ZNF395: variants seen among roughly 807,000 people sequenced by gnomAD.
The protein encoded by ZNF395 is zinc finger protein 395.
Under a neutral mutation model 57.7 loss-of-function variants are expected in ZNF395, and 20 were observed. The observed-to-expected ratio is 0.35, with a 90% confidence interval of 0.24 to 0.50. ZNF395 has a LOEUF of 0.50. ZNF395 is among the 20% of genes least tolerant of loss of function. The pLI is 0.97. For synonymous variants in ZNF395, 295 were observed against 275.9 expected (o/e 1.07, Z -0.69); for missense variants, 606 against 671.2 (o/e 0.90, Z 1.07).
intron 1 of ZNF395, among the ~76,000 whole-genome samples, chr8:28,366,187 A>C (rs1211306911): frequency 6.6e-6 from 1 of 152,194 alleles, no homozygotes; most frequent in Non-Finnish European, 1.5e-5. Flanking sequence ...TGAATAATTT[A>C]TAGGTCAACT....
intron 1 of ZNF395, among the ~76,000 whole-genome samples, chr8:28,368,877 C>T (rs2129975413): frequency 6.6e-6 from 1 of 152,148 alleles, no homozygotes; most frequent in African/African-American, 2.4e-5. Flanking sequence ...GCTCTGTCGA[C>T]CAGGTTGGGG....
Position 28,359,564 on chromosome 8 carries a change from A to G in ZNF395, c.473+28T>C. 3.2e-6 allele frequency: 5 copies of G among 1,557,474 alleles called. No homozygotes were observed. The highest frequency in any genetic ancestry group is 4.4e-6 in the Non-Finnish European group (5 of 1,149,002). On this transcript the variant is annotated intron_variant, in intron 3 of 9. Coordinates refer to ENST00000344423, the MANE Select transcript of ZNF395 (RefSeq NM_018660.3). The surrounding 1 kb of genome is among the most constrained non-coding windows in gnomAD (Gnocchi z 4.7). ...ACACCACACTACCCACGTGACTTTT[A>G]AAACCCAGTTTCTTCTCCCACACAA...
At chr8:28,376,587 C>T (rs1297785792) in intron 1 of ZNF395, among the ~76,000 whole-genome samples, 4 of 152,080 alleles carry the variant, frequency 2.6e-5, no homozygotes, top group African/African-American at 9.7e-5. Flanking sequence ...CACCACTGTA[C>T]TCCAGCCTGG....
At chr8:28,361,280 A>AT in intron 1 of ZNF395, 98 bp from the exon 2 acceptor site, 1 of 994,756 alleles carries the variant, frequency 1.0e-6, no homozygotes, top group African/African-American at 1.6e-5. Flanking sequence ...AACTTCTAGC[A>AT]TCCTTCCCTT....
chr8:28,373,189 G>C (rs1294163942), intron 1 of ZNF395, among the ~76,000 whole-genome samples: 1 of 152,146 alleles, frequency 6.6e-6, no homozygotes, highest in African/African-American at 2.4e-5. Flanking sequence ...GGCTGCAAAG[G>C]GGCCTCTGCC....
Position 28,359,398 on chromosome 8 carries a change from T to C in ZNF395, c.473+194A>G, listed in dbSNP as rs1481794886. Among the ~76,000 whole-genome samples the C allele has an allele frequency of 1.3e-5, 2 of 152,038 alleles. No homozygotes were observed. Among genetic ancestry groups the C allele is most frequent in the Non-Finnish European group, 2.9e-5 (2 of 67,988 alleles). On this transcript the variant is annotated intron_variant, in intron 3 of 9. Transcript: ENST00000344423. This position sits in a 1 kb window ranked among gnomAD's most constrained non-coding sequence, Gnocchi z 4.7. The stretch of plus-strand genomic sequence containing the variant: ...GCCTAGGTGAGAGAGTGAGACTCCG[T>C]CTCAAAAAAAGAAAGAAAAGATGCC...
chr8:28,382,971 G>A (rs1436001151), intron 1 of ZNF395, among the ~76,000 whole-genome samples: 2 of 152,196 alleles, frequency 1.3e-5, no homozygotes, highest in East Asian at 1.9e-4. Context: ...ATGATTGTAT[G>A]TACTAGGTCA....
intron 1 of ZNF395, chr8:28,365,553 T>G (rs1339290804): frequency 6.6e-6 from 1 of 152,182 alleles, no homozygotes; most frequent in South Asian, 2.1e-4. Context: ...ATAACAGTAG[T>G]TCAACACACA....
At chr8:28,366,814 TAAAAAA>T (rs5890411) in intron 1 of ZNF395, among the ~76,000 whole-genome samples, 4 of 133,808 alleles carry the variant, frequency 3.0e-5, no homozygotes, top group Non-Finnish European at 6.5e-5. Context: ...AAAGAAAGTT[TAAAAAA>T]AAAAAAAAAA....
intron 1 of ZNF395, chr8:28,386,177 G>A (rs1278238149): frequency 2.0e-5 from 3 of 148,838 alleles, no homozygotes; most frequent in Non-Finnish European, 3.0e-5. Context: ...GCGCCCACCT[G>A]GCCGGCCTGC....
Position 28,348,765 on chromosome 8 carries a change from C to A in ZNF395, c.1496G>T (p.Cys499Phe), listed in dbSNP as rs1329908933. The A allele has an allele frequency of 6.2e-7, 1 of 1,614,122 alleles. No homozygotes were observed. Among genetic ancestry groups the A allele is most frequent in the Non-Finnish European group, 8.5e-7 (1 of 1,179,998 alleles). The change falls in exon 10 of 10, where the codon TGC (cysteine) becomes TTC (phenylalanine). Residue 499 changes from cysteine to phenylalanine, a missense_variant. This residue lies in a region of ZNF395 where 36 missense variants were observed against 56.2 expected (regional missense o/e 0.64). Coordinates refer to ENST00000344423, the MANE Select transcript of ZNF395 (RefSeq NM_018660.3). ...GGCCTTCTTCCACCGGCAGGCCGTG[C>A]ACCACTGGTCCCGGTGCTCGATGCC... ...VYGIEHRDQW[C>F]TACRWKKACQ... is the part of the protein sequence containing the mutation.
Position 28,360,967 on chromosome 8 carries a change from G to A in ZNF395, c.158C>T (p.Pro53Leu), listed in dbSNP as rs780950696. The A allele has an allele frequency of 5.0e-6, 8 of 1,613,488 alleles. No homozygotes were observed. In the Admixed American group the frequency reaches 1.3e-4, roughly 27 times the overall value. ...PQPFTTSDDT[P>L]CQEQPKEVLK... The stretch of plus-strand genomic sequence containing the variant: ...GACTTCCTTGGGCTGCTCCTGGCAG[G>A]GGGTGTCATCAGAGGTGGTGAAAGG... The change falls in exon 2 of 10, where the codon CCC becomes CTC. Residue 53 changes from proline to leucine, a missense_variant. Transcript: ENST00000344423.
chr8:28,376,967 A>G (rs1447237486), intron 1 of ZNF395, among the ~76,000 whole-genome samples: 4 of 152,212 alleles, frequency 2.6e-5, no homozygotes, highest in African/African-American at 9.6e-5. Flanking sequence ...TCATGTGGAG[A>G]CAAAAATCAT....
chr8:28,381,337 A>T (rs1454535008), intron 1 of ZNF395, among the ~76,000 whole-genome samples: 3 of 151,982 alleles, frequency 2.0e-5, no homozygotes, highest in Non-Finnish European at 4.4e-5. Context: ...CACCGCGCCC[A>T]GCCCCAGCTA....
At chr8:28,349,250 G>A (rs760881459) in intron 8 of ZNF395, 22 bp from the exon 9 acceptor site, 11 of 1,511,330 alleles carry the variant, frequency 7.3e-6, no homozygotes, top group Non-Finnish European at 9.7e-6. Flanking sequence ...GAGAGGGGCT[G>A]TGAGCACAGG....
intron 1 of ZNF395, among the ~76,000 whole-genome samples, chr8:28,379,842 T>TAAAAAAAAAAAAAAAAAAAAAAA (rs748360582): frequency 8.1e-6 from 1 of 123,978 alleles, no homozygotes; most frequent in African/African-American, 3.5e-5. Context: ...ATACAAACGT[T>TAAAAAAAAAAAAAAAAAAAAAAA]AAAAAAAAAA....
chr8:28,351,518 T>A lies in ZNF395; in HGVS notation c.1210A>T (p.Ile404Phe). The change falls in exon 7 of 10, where the codon ATT becomes TTT. Residue 404 changes from isoleucine (I) to phenylalanine (F), a missense_variant. Ile to Phe is a conservative substitution (Grantham distance 21, BLOSUM62 0). This residue lies in a region of ZNF395 where 261 missense variants were observed against 240.3 expected (regional missense o/e 1.09). Coordinates refer to ENST00000344423, the MANE Select transcript of ZNF395 (RefSeq NM_018660.3). ...ACCTGGTATGCATGATCTGCCTGAA[T>A]GTGCCAGAAGGACCCAGGAGCTGAC... ...SKSAPGSFWH[I>F]QADHAYQALP... The A allele has an allele frequency of 6.2e-7, 1 of 1,609,574 alleles. No homozygotes were observed. Among genetic ancestry groups the A allele is most frequent in the Non-Finnish European group, 8.5e-7 (1 of 1,176,580 alleles).
chr8:28,385,840 G>A (rs1201692495), intron 1 of ZNF395, among the ~76,000 whole-genome samples: 1 of 142,598 alleles, frequency 7.0e-6, no homozygotes, highest in African/African-American at 2.5e-5. Context: ...CCGCCACCCC[G>A]GCCCTGCCGC....
In ZNF395 at chr8:28,352,238, A is replaced by G. The variant is rs1801724985; in HGVS notation, c.920+335T>C. Among the ~76,000 whole-genome samples the G allele has an allele frequency of 6.6e-6, 1 of 152,166 alleles. No individual in the cohort carries two copies. Among genetic ancestry groups the G allele is most frequent in the South Asian group, 2.1e-4 (1 of 4,828 alleles). On this transcript the variant is annotated intron_variant, in intron 6 of 9. Transcript: ENST00000344423. This position sits in a 1 kb window ranked among gnomAD's most constrained non-coding sequence, Gnocchi z 4.0. ...TAGCGGAGACCCACTCCCAAGGAAG[A>G]GTGGGTGGTGCAGTGCTTGGCCACT...
Sources: gnomAD v4.1 joint callset for allele counts (sites outside exome capture counted in the v4.1 genomes callset) on GRCh38, gnomAD v4.1.1 for gene constraint, gnomAD v4.1.1 regional missense constraint, Gnocchi (gnomAD v3.1) non-coding constraint, MANE v1.5 for transcripts, NCBI Gene and HGNC (gene_info 2026-07-23, HGNC 2026-07-21) for gene names.